SLC38A8: variants seen among roughly 807,000 people sequenced by gnomAD.
SLC38A8 encodes amino acid transporter SLC38A8.
Under a neutral mutation model 46.0 loss-of-function variants are expected in SLC38A8, and 65 were observed. The ratio of observed to expected loss-of-function variants is 1.41; its 90% CI spans 1.16 to 1.74. The LOEUF is 1.74. Among genes scored for constraint, SLC38A8 ranks in the 40% most tolerant of loss-of-function variants. The probability of loss-of-function intolerance (pLI) is 0.00; values close to 1 mark genes in which losing one functional copy is unlikely to be tolerated. For missense variants in SLC38A8, 998 were observed against 567.9 expected, an observed-to-expected ratio of 1.76 and a Z score of -7.70; for synonymous variants, 447 against 243.7, an observed-to-expected ratio of 1.83 and a Z score of -7.77.
intron 1 of SLC38A8, among the ~76,000 whole-genome samples, 160 bp from the exon 2 acceptor site, chr16:84,042,319 C>T (rs180804648): frequency 3.9e-5 from 6 of 152,268 alleles, no homozygotes; most frequent in Admixed American, 2.6e-4. Context: ...GTGCTGCATG[C>T]ATCTGCCCAC....
chr16:84,033,793 G>A (rs1003999041), intron 3 of SLC38A8, among the ~76,000 whole-genome samples: 7 of 152,104 alleles, frequency 4.6e-5, no homozygotes, highest in Non-Finnish European at 8.8e-5. Context: ...TTTTGGTTTC[G>A]TTCGGGAACT....
Position 84,034,789 on chromosome 16 carries a change from T to C in SLC38A8, c.389-1320A>G, listed in dbSNP as rs562127759. Among the ~76,000 whole-genome samples, 57 of 152,078 alleles carry C rather than the reference T, an allele frequency of 3.7e-4. 1 individual carries two copies. Among genetic ancestry groups the C allele is most frequent in the Middle Eastern group, 3.4e-3 (1 of 294 alleles). On this transcript the variant is annotated intron_variant, in intron 3 of 10. Transcript: ENST00000299709. Reference sequence around the variant, plus strand: ...CTGCACCGAGATCGTGGGTGAGTTTTAGACCTCCAGGTGGCGTGGGATGGG... The same window carrying C: ...CTGCACCGAGATCGTGGGTGAGTTTCAGACCTCCAGGTGGCGTGGGATGGG...
At chr16:84,025,595 C>T (rs1953323965) in intron 6 of SLC38A8, among the ~76,000 whole-genome samples, 1 of 152,168 alleles carries the variant, frequency 6.6e-6, no homozygotes. Context: ...ATAAACACTA[C>T]AGGGCTTACC....
intron 4 of SLC38A8, among the ~76,000 whole-genome samples, chr16:84,032,228 G>A (rs149935628): frequency 1.3e-5 from 2 of 152,088 alleles, no homozygotes; most frequent in Non-Finnish European, 2.9e-5. Context: ...TCGCTCTGTT[G>A]CCCAGGCTGG....
At chr16:84,019,879 G>C (rs557085153) in intron 7 of SLC38A8, among the ~76,000 whole-genome samples, 1 of 152,246 alleles carries the variant, frequency 6.6e-6, no homozygotes, top group African/African-American at 2.4e-5. Context: ...CAAGCTGGAG[G>C]ATCATCTGTT....
chr16:84,031,834 C>T (rs749635447), intron 5 of SLC38A8, 33 bp downstream of exon 5: 29 of 1,595,822 alleles, frequency 1.8e-5, no homozygotes, highest in Admixed American at 3.3e-5. Context: ...GCCTCCCCGC[C>T]GAGGCTGCCG....
intron 9 of SLC38A8, among the ~76,000 whole-genome samples, chr16:84,014,551 C>G (rs1357311021): frequency 1.3e-5 from 2 of 152,102 alleles, no homozygotes; most frequent in African/African-American, 4.8e-5. Context: ...CCCCTCTCCT[C>G]TCTAAAAGTT....
intron 10 of SLC38A8, among the ~76,000 whole-genome samples, chr16:84,012,708 G>A (rs923798859): frequency 8.5e-5 from 13 of 152,194 alleles, no homozygotes; most frequent in African/African-American, 2.9e-4. Context: ...AACAAAGGAG[G>A]GTACAGATGC....
At chr16:84,032,149 G>T (rs1190227813) in intron 4 of SLC38A8, among the ~76,000 whole-genome samples, 181 bp from the exon 5 acceptor site, 1 of 151,626 alleles carries the variant, frequency 6.6e-6, no homozygotes, top group Non-Finnish European at 1.5e-5. Flanking sequence ...CTGCTTTGGG[G>T]TCAAGGGGTC....
chr16:84,021,845 G>A (rs778645941), intron 7 of SLC38A8, among the ~76,000 whole-genome samples: 3 of 152,214 alleles, frequency 2.0e-5, no homozygotes, highest in Non-Finnish European at 4.4e-5. Context: ...CTACATCTGG[G>A]GAGAGCCTTC....
In SLC38A8 at chr16:84,022,835, G is replaced by A; in HGVS notation, c.745C>T (p.His249Tyr). The A allele has an allele frequency of 6.2e-7, 1 of 1,613,060 alleles. No homozygotes were observed. Among genetic ancestry groups the A allele is most frequent in the Non-Finnish European group, 8.5e-7 (1 of 1,179,610 alleles). ...GACAGCACAGACACCAGGGCCCAGT[G>A]GGAGAGGCTCCGTTTGCGCATGCTG... ...YCSMRKRSLSHWALVSVLSLL... is the reference protein window; with the variant it reads ...YCSMRKRSLSYWALVSVLSLL... Residue 249 changes from histidine (H) to tyrosine (Y), a missense_variant, in exon 7 of 11, where the codon CAC becomes TAC. His to Tyr is a moderately conservative substitution (Grantham distance 83, BLOSUM62 2). Coordinates refer to ENST00000299709, the MANE Select transcript of SLC38A8 (RefSeq NM_001080442.3).
chr16:84,013,963 C>T (rs1484955694), intron 9 of SLC38A8, among the ~76,000 whole-genome samples: 2 of 152,054 alleles, frequency 1.3e-5, no homozygotes, highest in African/African-American at 4.8e-5. Context: ...CTCTGAGAAG[C>T]TCCACCCAGA....
intron 7 of SLC38A8, among the ~76,000 whole-genome samples, chr16:84,018,556 T>A (rs533222361): frequency 1.3e-5 from 2 of 152,052 alleles, no homozygotes; most frequent in Non-Finnish European, 2.9e-5. Flanking sequence ...ACTAGTGCCA[T>A]GCCCATAACC....
intron 6 of SLC38A8, among the ~76,000 whole-genome samples, chr16:84,029,022 C>T (rs1231368335): frequency 2.0e-5 from 3 of 152,150 alleles, no homozygotes; most frequent in Non-Finnish European, 4.4e-5. Flanking sequence ...TCCCTGTACA[C>T]CTTCCAGCTC....
At chr16:84,034,430 G>A (rs190004684) in intron 3 of SLC38A8, among the ~76,000 whole-genome samples, 27 of 152,356 alleles carry the variant, frequency 1.8e-4, no homozygotes, top group African/African-American at 5.8e-4. Context: ...AGGTAAGACA[G>A]ATGGGGGAGG....
At chr16:84,015,215 C>G (rs1282616645) in intron 9 of SLC38A8, among the ~76,000 whole-genome samples, 1 of 152,124 alleles carries the variant, frequency 6.6e-6, no homozygotes, top group Non-Finnish European at 1.5e-5. Flanking sequence ...GGAACACACC[C>G]CCCACTGCGG....
intron 3 of SLC38A8, among the ~76,000 whole-genome samples, chr16:84,035,436 C>G (rs201848976): frequency 6.6e-6 from 1 of 152,156 alleles, no homozygotes; most frequent in African/African-American, 2.4e-5. Flanking sequence ...AAATTTCACC[C>G]TATCAACAAT....
chr16:84,031,983 G>A lies in SLC38A8; in HGVS notation c.531-15C>T, dbSNP rs761753361. ...TGCCTAGGATGCTAACACAGTGACC[G>A]TGTGAGGGGCTGCGCAGTGGGTGAC... On this transcript the variant is annotated splice_polypyrimidine_tract_variant and intron_variant, in intron 4 of 10. Coordinates refer to ENST00000299709, the MANE Select transcript of SLC38A8 (RefSeq NM_001080442.3). 2.5e-5 allele frequency: 41 copies of A among 1,610,368 alleles called. No individual in the cohort carries two copies. The African/African-American group carries it at 2.7e-4, about 10-fold the overall frequency.
chr16:84,041,944 C>T (rs765391594), intron 2 of SLC38A8, 25 bp downstream of exon 2: 3 of 1,553,042 alleles, frequency 1.9e-6, no homozygotes, highest in South Asian at 2.4e-5. Context: ...TACCCGTCCC[C>T]AGGACTCACT....
Sources: gnomAD v4.1 joint callset for allele counts (sites outside exome capture counted in the v4.1 genomes callset) on GRCh38, gnomAD v4.1.1 for gene constraint, MANE v1.5 for transcripts, NCBI Gene and HGNC (gene_info 2026-07-23, HGNC 2026-07-21) for gene names.